The following THOC2 variants were observed in gnomAD, a reference collection of about 807,000 sequenced individuals.
THOC2 encodes the protein THO complex 2.
In THOC2, 10 loss-of-function variants were observed where a neutral mutation model predicts 128.4. The observed-to-expected ratio is 0.08, with a 90% confidence interval of 0.05 to 0.13. The LOEUF (loss-of-function observed/expected upper bound fraction) is 0.13, where lower values mean the gene tolerates loss of function less well. Among genes scored for constraint, THOC2 ranks in the 10% least tolerant of loss-of-function variants. The probability of loss-of-function intolerance (pLI) is 1.00; values close to 1 mark genes in which losing one functional copy is unlikely to be tolerated. For missense variants in THOC2, 535 were observed against 1,155.7 expected (o/e 0.46, Z 7.79); for synonymous variants, 393 against 396.9 (o/e 0.99, Z 0.12).
intron 1 of THOC2, among the ~76,000 whole-genome samples, chrX:123,717,892 C>T (rs186583970): frequency 2.8e-4 from 32 of 112,470 alleles, no homozygotes; most frequent in Admixed American, 1.5e-3. Flanking sequence ...CATCCTTCTG[C>T]GTCCGCAGGT....
rs1302383907 is a variant in THOC2 at position 123,626,085 on chromosome X, G to A, written c.2900-16C>T. 1.7e-6 allele frequency: 2 copies of A among 1,149,099 alleles called. No homozygotes were observed. The highest frequency in any genetic ancestry group is 3.0e-5 in the East Asian group (1 of 33,292). The allele number at this position is 1,149,099 out of a possible 1,213,427, so 94.7% of individuals were successfully genotyped here. A position where few individuals can be genotyped will look rare whatever the true frequency, so the allele number is the denominator to read the frequency against. On this transcript the variant is annotated splice_polypyrimidine_tract_variant and intron_variant, in intron 24 of 38. Coordinates refer to ENST00000245838, the MANE Select transcript of THOC2 (RefSeq NM_001081550.2). ...TTGGTAGATTCTAAAAATAAAGGAAGAATATATTAAGTGGTAAACTTCTTC... is the reference window on the plus strand; with the variant it reads ...TTGGTAGATTCTAAAAATAAAGGAAAAATATATTAAGTGGTAAACTTCTTC...
At chrX:123,668,458 GTTA>G (rs2049132543) in intron 9 of THOC2, 144 bp from the exon 10 acceptor site, 1 of 380,947 alleles carries the variant, frequency 2.6e-6, no homozygotes, top group Non-Finnish European at 4.3e-6. Flanking sequence ...GTAAATTTCA[GTTA>G]TTTTCTTATA....
chrX:123,707,502 T>C (rs747720379), intron 2 of THOC2, among the ~76,000 whole-genome samples: 1 of 111,688 alleles, frequency 9.0e-6, no homozygotes, highest in East Asian at 2.8e-4. Flanking sequence ...CCCATAAAAA[T>C]CAAACAAAAA....
rs2050440690 is a variant in THOC2, at chrX:123,696,213, C to G, written c.468-59G>C. On this transcript the variant is annotated intron_variant, in intron 6 of 38. Transcript: ENST00000245838. Reference sequence around the variant, plus strand: ...ATTAATTTTAATTAACAAGCTTGCACAGAGTACTGTATTCTCACTGAATTT... The same window carrying G: ...ATTAATTTTAATTAACAAGCTTGCAGAGAGTACTGTATTCTCACTGAATTT... 1.4e-5 allele frequency: 12 copies of G among 840,847 alleles called. No homozygotes were observed. The Middle Eastern group carries it at 1.3e-3, about 92-fold the overall frequency. The allele number at this position is 840,847 out of a possible 1,213,427, so 69.3% of individuals were successfully genotyped here.
chrX:123,640,997 A>C (rs985530528), intron 15 of THOC2, among the ~76,000 whole-genome samples: 4 of 111,848 alleles, frequency 3.6e-5, no homozygotes, highest in Non-Finnish European at 7.5e-5. Context: ...TAAGATATCA[A>C]ATTTGGTGTC....
chrX:123,651,750 A>T (rs941838645), intron 12 of THOC2, among the ~76,000 whole-genome samples: 1 of 102,460 alleles, frequency 9.8e-6, no homozygotes, highest in Non-Finnish European at 2.0e-5. Context: ...CTAAACCAGG[A>T]AGAAGTGGAA....
intron 15 of THOC2, among the ~76,000 whole-genome samples, chrX:123,641,181 C>T (rs184994819): frequency 1.6e-3 from 175 of 111,928 alleles, no homozygotes; most frequent in African/African-American, 5.4e-3. Context: ...TTTATTTCTT[C>T]CTTTGCTCAT....
rs200011329 is a variant in THOC2 at position 123,613,445 on chromosome X, G to A, written c.4631C>T (p.Ser1544Leu). ...TTTATCCATCTTCTCAGATTTAAATGAATCACTGCCTTTTTCTTTGCCTGA... is the reference window on the plus strand; with the variant it reads ...TTTATCCATCTTCTCAGATTTAAATAAATCACTGCCTTTTTCTTTGCCTGA... Reference protein sequence around the residue: ...KSSGKEKGSDSFKSEKMDKIS... With the variant: ...KSSGKEKGSDLFKSEKMDKIS... The change falls in exon 36 of 39, where the codon TCA (serine) becomes TTA (leucine). Residue 1544 changes from serine to leucine, a missense_variant. By Grantham distance (145) the Ser-to-Leu change is moderately radical. Coordinates refer to ENST00000245838, the MANE Select transcript of THOC2 (RefSeq NM_001081550.2). 8.3e-7 allele frequency: 1 copy of A among 1,207,464 alleles called. No individual in the cohort carries two copies. The highest frequency in any genetic ancestry group is 1.8e-5 in the African/African-American group (1 of 57,122).
At chrX:123,668,452 A>T in intron 9 of THOC2, 138 bp from the exon 10 acceptor site, 1 of 386,670 alleles carries the variant, frequency 2.6e-6, no homozygotes, top group Non-Finnish European at 4.2e-6. Flanking sequence ...TTCTAAGTAA[A>T]TTTCAGTTAT....
chrX:123,701,619 TCAGTCTTA>T (rs1400536887), intron 4 of THOC2, among the ~76,000 whole-genome samples: 1 of 109,749 alleles, frequency 9.1e-6, no homozygotes, highest in East Asian at 2.8e-4. Context: ...TACCTACACA[TCAGTCTTA>T]CAGTCTTACA....
intron 12 of THOC2, among the ~76,000 whole-genome samples, chrX:123,652,779 A>G (rs2048413420): frequency 8.9e-6 from 1 of 111,987 alleles, no homozygotes; most frequent in African/African-American, 3.3e-5. Flanking sequence ...AAGAGAGGAC[A>G]CAAACAAATG....
chrX:123,605,352 CT>C (rs770146557), intron 38 of THOC2, among the ~76,000 whole-genome samples: 8 of 111,818 alleles, frequency 7.2e-5, no homozygotes, highest in Non-Finnish European at 1.1e-4. Flanking sequence ...CCCTCTTCAA[CT>C]TTTCATGCCT....
intron 8 of THOC2, among the ~76,000 whole-genome samples, chrX:123,675,626 G>A (rs1040537480): frequency 3.7e-5 from 4 of 108,303 alleles, no homozygotes; most frequent in Non-Finnish European, 7.6e-5. Context: ...CTGGGTGACA[G>A]AGGGAGACTC....
intron 5 of THOC2, among the ~76,000 whole-genome samples, chrX:123,697,104 T>C (rs1388911652): frequency 8.9e-6 from 1 of 112,081 alleles, no homozygotes; most frequent in Non-Finnish European, 1.9e-5. Flanking sequence ...GAACTACAGA[T>C]GAAATTTTCA....
chrX:123,721,561 G>A (rs949767877), intron 1 of THOC2, among the ~76,000 whole-genome samples: 3 of 107,435 alleles, frequency 2.8e-5, no homozygotes, highest in Non-Finnish European at 3.9e-5. Flanking sequence ...CGAGGAGGGC[G>A]GATCACTTGA....
At position 123,664,432 on chromosome X, in the gene THOC2, T is replaced by G. The variant is rs1287508923; in HGVS notation, c.1386+1210A>C. Reference sequence around the variant, plus strand: ...AGTGAACTGGCAACCTACAGAATGGTAGAAAATTTTTGCAATCTACTCATC... The same window carrying G: ...AGTGAACTGGCAACCTACAGAATGGGAGAAAATTTTTGCAATCTACTCATC... On this transcript the variant is annotated intron_variant, in intron 12 of 38. Coordinates refer to ENST00000245838, the MANE Select transcript of THOC2 (RefSeq NM_001081550.2). Among the ~76,000 whole-genome samples, 21 of 111,820 alleles carry G rather than the reference T, an allele frequency of 1.9e-4. 1 individual carries two copies. Among genetic ancestry groups the G allele is most frequent in the Non-Finnish European group, 3.6e-4 (19 of 53,141 alleles).
Position 123,686,695 on chromosome X carries a change from G to T in THOC2, c.621C>A (p.Pro207=), listed in dbSNP as rs1248028179. The T allele has an allele frequency of 1.7e-6, 2 of 1,187,335 alleles. No homozygotes were observed. Among genetic ancestry groups the T allele is most frequent in the African/African-American group, 3.5e-5 (2 of 56,649 alleles). ...KSLIGCFNLD[P]NRVLDVILEV... ...CTAAAATGACATCCAAAACTCTATT[G>T]GGATCCAGATTAAAGCATCCTGCAA... The change falls in exon 8 of 39, where the codon CCC becomes CCA. Residue 207 remains proline (P), a synonymous_variant. Coordinates refer to ENST00000245838, the MANE Select transcript of THOC2 (RefSeq NM_001081550.2).
rs200673857 is a variant in THOC2, at chrX:123,611,527, T to C, written c.4678-11A>G. On this transcript the variant is annotated splice_polypyrimidine_tract_variant and intron_variant, in intron 36 of 38. Coordinates refer to ENST00000245838, the MANE Select transcript of THOC2 (RefSeq NM_001081550.2). ...ATCATGCCTGGACTCCTATAAGAAA[T>C]AGTAGAATTAGCTGGGGAAGGGAAA... 4.6e-6 allele frequency: 5 copies of C among 1,083,497 alleles called. No individual in the cohort carries two copies. The African/African-American group carries it at 9.2e-5, about 20-fold the overall frequency. 89.3% of individuals were successfully genotyped at this position (1,083,497 alleles called of 1,213,427 possible).
intron 11 of THOC2, 33 bp downstream of exon 11, chrX:123,667,073 C>T: frequency 1.9e-6 from 2 of 1,040,706 alleles, no homozygotes; most frequent in African/African-American, 1.9e-5. Context: ...GCTATTTCTA[C>T]CTCAATGATT....
Sources: gnomAD v4.1 joint callset for allele counts (sites outside exome capture counted in the v4.1 genomes callset) on GRCh38, gnomAD v4.1.1 for gene constraint, MANE v1.5 for transcripts, NCBI Gene and HGNC (gene_info 2026-07-23, HGNC 2026-07-21) for gene names.